The following CHODL variants were observed in gnomAD, a reference collection of about 807,000 sequenced individuals.
The protein encoded by CHODL is chondrolectin, also known as transmembrane protein MT75.
A neutral mutation model predicts 34.5 loss-of-function variants in CHODL; 29 were observed. The ratio of observed to expected loss-of-function variants is 0.84; its 90% confidence interval spans 0.63 to 1.15. The LOEUF (loss-of-function observed/expected upper bound fraction) is 1.15. CHODL is among the 50% of genes most tolerant of loss of function. CHODL has a pLI of 0.00. For synonymous variants in CHODL, 125 were observed against 116.1 expected (o/e 1.08, Z -0.49); for missense variants, 332 against 332.5 (o/e 1.00, Z 0.01).
At chr21:17,976,270 GAAAAAAAAAA>G (rs71318119) in intron 1 of CHODL, among the ~76,000 whole-genome samples, 787 of 66,514 alleles carry the variant, frequency 0.012, 17 homozygotes, top group South Asian at 0.029. Flanking sequence ...GACCATCTCA[GAAAAAAAAAA>G]AAAAAAAAAA....
intron 1 of CHODL, among the ~76,000 whole-genome samples, chr21:17,944,886 A>G (rs541530071): frequency 8.5e-4 from 130 of 152,332 alleles, no homozygotes; most frequent in African/African-American, 2.9e-3. Flanking sequence ...GGGAACAAAT[A>G]TTACAAAGAA....
intron 2 of CHODL, among the ~76,000 whole-genome samples, chr21:18,187,925 T>C (rs1220401900): frequency 6.6e-6 from 1 of 152,182 alleles, no homozygotes; most frequent in Admixed American, 6.5e-5. Flanking sequence ...AGGCAAAACT[T>C]CTTGAAAGGG....
At chr21:18,130,009 G>A (rs17780162) in intron 2 of CHODL, among the ~76,000 whole-genome samples, 3,780 of 152,020 alleles carry the variant, frequency 0.025, 145 homozygotes, top group East Asian at 0.16. Flanking sequence ...TATTTTGGAA[G>A]GCCAAGAAGC....
chr21:18,038,146 T>A (rs1233638641), intron 2 of CHODL, among the ~76,000 whole-genome samples: 1 of 151,678 alleles, frequency 6.6e-6, no homozygotes. Context: ...AGCCTCAGAC[T>A]TCTCTTTAGT....
intron 2 of CHODL, among the ~76,000 whole-genome samples, chr21:18,213,963 A>G (rs970975961): frequency 1.2e-4 from 19 of 152,042 alleles, no homozygotes; most frequent in Admixed American, 9.2e-4. Flanking sequence ...CTTAATAACT[A>G]TTTCTTCTAT....
intron 2 of CHODL, among the ~76,000 whole-genome samples, chr21:18,176,646 T>C (rs746839782): frequency 3.0e-4 from 46 of 152,288 alleles, no homozygotes; most frequent in Non-Finnish European, 2.5e-4. Flanking sequence ...TTAGTATTTT[T>C]TCCAAAGATT....
intron 1 of CHODL, among the ~76,000 whole-genome samples, chr21:18,019,762 T>G (rs572329286): frequency 6.6e-6 from 1 of 152,298 alleles, no homozygotes; most frequent in South Asian, 2.1e-4. Flanking sequence ...CTTACGCACA[T>G]TACATGTATG....
intron 1 of CHODL, among the ~76,000 whole-genome samples, chr21:17,959,846 A>G (rs2063519241): frequency 6.6e-6 from 1 of 152,208 alleles, no homozygotes; most frequent in Non-Finnish European, 1.5e-5. Context: ...TCAATGTTCT[A>G]ACAAATACAC....
intron 1 of CHODL, among the ~76,000 whole-genome samples, chr21:17,978,233 C>G (rs892995899): frequency 6.6e-6 from 1 of 151,488 alleles, no homozygotes; most frequent in African/African-American, 2.4e-5. Context: ...ACCAGCCTGG[C>G]CAGCATGGTG....
chr21:18,200,673 G>A (rs752219249), intron 2 of CHODL, among the ~76,000 whole-genome samples: 4 of 152,160 alleles, frequency 2.6e-5, no homozygotes, highest in Non-Finnish European at 5.9e-5. Context: ...ATTGGAACCG[G>A]TAGTGAGTTG....
chr21:18,205,847 C>G (rs1316343196), intron 2 of CHODL, among the ~76,000 whole-genome samples: 1 of 151,104 alleles, frequency 6.6e-6, no homozygotes, highest in Admixed American at 6.6e-5. Context: ...AGTGATTCTT[C>G]TGCCTCAACG....
intron 1 of CHODL, among the ~76,000 whole-genome samples, chr21:17,971,267 T>A (rs1036337338): frequency 6.6e-6 from 1 of 152,206 alleles, no homozygotes; most frequent in Non-Finnish European, 1.5e-5. Flanking sequence ...GATTGCTGGG[T>A]CAAATGGTAT....
At chr21:18,039,245 C>A (rs538912319) in intron 2 of CHODL, among the ~76,000 whole-genome samples, 54 of 151,672 alleles carry the variant, frequency 3.6e-4, no homozygotes, top group Non-Finnish European at 7.1e-4. Flanking sequence ...CTTAGATATT[C>A]ATTAAGTTTG....
intron 1 of CHODL, among the ~76,000 whole-genome samples, chr21:18,251,419 T>A (rs1391842780): frequency 2.1e-5 from 1 of 48,546 alleles, no homozygotes; most frequent in Non-Finnish European, 5.9e-5. Flanking sequence ...ATTTTATTTA[T>A]TTTATTTATT....
intron 1 of CHODL, among the ~76,000 whole-genome samples, chr21:17,944,491 G>A (rs1002919910): frequency 2.6e-4 from 39 of 152,090 alleles, no homozygotes; most frequent in African/African-American, 8.0e-4. Context: ...CCCAGACAGC[G>A]GGACAATCCC....
intron 2 of CHODL, among the ~76,000 whole-genome samples, chr21:18,212,287 C>T (rs2073782257): frequency 6.6e-6 from 1 of 152,102 alleles, no homozygotes; most frequent in Non-Finnish European, 1.5e-5. Flanking sequence ...ACCATAATTG[C>T]TCTCAGAAAT....
chr21:17,970,936 ATGTGT>A (rs892072162), intron 1 of CHODL, among the ~76,000 whole-genome samples: 20 of 150,862 alleles, frequency 1.3e-4, no homozygotes, highest in African/African-American at 4.4e-4. Context: ...CCATGTGTCC[ATGTGT>A]TTTCATTGTT....
intron 2 of CHODL, among the ~76,000 whole-genome samples, chr21:18,103,222 A>G (rs2065235822): frequency 6.6e-6 from 1 of 152,154 alleles, no homozygotes; most frequent in East Asian, 1.9e-4. Flanking sequence ...TTTTTAAACT[A>G]TGTTTTTCTA....
intron 1 of CHODL, among the ~76,000 whole-genome samples, chr21:17,927,825 A>T (rs1023598152): frequency 4.6e-5 from 7 of 152,216 alleles, no homozygotes; most frequent in Non-Finnish European, 1.0e-4. Flanking sequence ...TAGGCTTCCA[A>T]TAAATAGTTG....
Sources: gnomAD v4.1 joint callset for allele counts (sites outside exome capture counted in the v4.1 genomes callset) on GRCh38, gnomAD v4.1.1 for gene constraint, MANE v1.5 for transcripts, NCBI Gene and HGNC (gene_info 2026-07-23, HGNC 2026-07-21) for gene names.